IL15RA: variants seen among roughly 807,000 people sequenced by gnomAD.
IL15RA encodes the protein interleukin 15 receptor subunit alpha, also known as interleukin-15 receptor subunit alpha.
In IL15RA, 26 loss-of-function variants were observed where a neutral mutation model predicts 24.2. The ratio of observed to expected loss-of-function variants is 1.07; its 90% CI spans 0.79 to 1.49. The LOEUF (loss-of-function observed/expected upper bound fraction) is 1.49. Ranked by LOEUF, IL15RA falls within the 40% of genes most tolerant of loss-of-function variation. The pLI, the probability that IL15RA is intolerant of heterozygous loss-of-function variation, is 0.00. For synonymous variants in IL15RA, 166 were observed against 157.6 expected, an observed-to-expected ratio of 1.05 and a Z score of -0.40; for missense variants, 354 against 356.4, an observed-to-expected ratio of 0.99 and a Z score of 0.05.
chr10:5,974,253 G>A (rs1006625037), intron 1 of IL15RA, among the ~76,000 whole-genome samples: 2 of 152,104 alleles, frequency 1.3e-5, no homozygotes, highest in Non-Finnish European at 2.9e-5. Context: ...GCCCGCGTTG[G>A]CCTCCCAAAG....
At chr10:5,951,100 C>T (rs1021555842), downstream of IL15RA, among the ~76,000 whole-genome samples, 2 of 133,122 alleles carry the variant, frequency 1.5e-5, no homozygotes, top group Middle Eastern at 4.8e-3. Flanking sequence ...CGAGATTGTG[C>T]CACTGCACTC....
Position 5,966,294 on chromosome 10 carries a change from C to G in IL15RA, c.134G>C (p.Trp45Ser), listed in dbSNP as rs914011701. The part of the protein sequence containing the change: ...PPMSVEHADI[W>S]VKSYSLYSRE... ...GGAGTACAAGCTGTAGCTCTTGACC[C>G]AGATGTCTGCGTGTTCCACGGACAT... Residue 45 changes from tryptophan (W) to serine (S), a missense_variant, in exon 2 of 7, where the codon TGG (tryptophan) becomes TCG (serine). Trp to Ser is a radical substitution (Grantham distance 177). Transcript: ENST00000379977. This position sits in a 1 kb window ranked among gnomAD's most constrained non-coding sequence, Gnocchi z 6.4. 3.1e-6 allele frequency: 5 copies of G among 1,613,480 alleles called. No individual in the cohort carries two copies. The Admixed American group carries it at 5.0e-5, about 16-fold the overall frequency.
chr10:5,977,585 C>T, upstream of IL15RA: 1 of 1,256,530 alleles, frequency 8.0e-7, no homozygotes, highest in Non-Finnish European at 1.0e-6. Flanking sequence ...ACCTGCCGCC[C>T]CGCCAGTCGC....
At chr10:5,954,786 C>T (rs1432209419) in intron 6 of IL15RA, among the ~76,000 whole-genome samples, 1 of 152,066 alleles carries the variant, frequency 6.6e-6, no homozygotes, top group Non-Finnish European at 1.5e-5. Flanking sequence ...AAGAATATAA[C>T]TCCAAATTCA....
chr10:5,969,484 C>G (rs1000270987), intron 1 of IL15RA, among the ~76,000 whole-genome samples: 1 of 152,074 alleles, frequency 6.6e-6, no homozygotes, highest in African/African-American at 2.4e-5. Context: ...GTGATCTTTC[C>G]ACCTCAGCCT....
At chr10:5,977,302 G>GC in intron 1 of IL15RA, 103 bp downstream of exon 1, 1 of 479,398 alleles carries the variant, frequency 2.1e-6, no homozygotes, top group Non-Finnish European at 3.3e-6. Context: ...GGGCACCGAC[G>GC]CCCCCGCACG....
rs151253500 is a variant in IL15RA at position 5,955,641 on chromosome 10, T to C, written c.692+738A>G. Among the ~76,000 whole-genome samples, 5 of 152,308 alleles carry C rather than the reference T, an allele frequency of 3.3e-5. No individual in the cohort carries two copies. The highest frequency in any genetic ancestry group is 1.2e-4 in the African/African-American group (5 of 41,572). On this transcript the variant is annotated intron_variant, in intron 6 of 6. Transcript: ENST00000379977. This position sits in a 1 kb window ranked among gnomAD's most constrained non-coding sequence, Gnocchi z 5.3. ...GAGAAAAATTAAAAAAGTTAGCAAGTGGCAGAAATATTTTTGCCAGAAATG... is the reference window on the plus strand; with the variant it reads ...GAGAAAAATTAAAAAAGTTAGCAAGCGGCAGAAATATTTTTGCCAGAAATG...
rs1014428374 is a variant in IL15RA at position 5,964,403 on chromosome 10, G to T, written c.284-562C>A. ...GCTGGTCTCGAACTCCTGGTCTCAAGAAATCCCTCCCATCTCGGCCTCCCA... is the reference window on the plus strand; with the variant it reads ...GCTGGTCTCGAACTCCTGGTCTCAATAAATCCCTCCCATCTCGGCCTCCCA... On this transcript the variant is annotated intron_variant, in intron 2 of 6. Coordinates refer to ENST00000379977, the MANE Select transcript of IL15RA (RefSeq NM_002189.4). The surrounding 1 kb of genome is among the most constrained non-coding windows in gnomAD (Gnocchi z 5.6). Among the ~76,000 whole-genome samples the T allele has an allele frequency of 1.3e-5, 2 of 152,128 alleles. No individual in the cohort carries two copies. Among genetic ancestry groups the T allele is most frequent in the Admixed American group, 1.3e-4 (2 of 15,280 alleles).
chr10:5,966,458 C>T lies in IL15RA; in HGVS notation c.89-119G>A, dbSNP rs1010946524. On this transcript the variant is annotated intron_variant, in intron 1 of 6. Coordinates refer to ENST00000379977, the MANE Select transcript of IL15RA (RefSeq NM_002189.4). The surrounding 1 kb of genome is among the most constrained non-coding windows in gnomAD (Gnocchi z 6.4). ...ATCCTAGGGGTGCCTCAGGACAAGC[C>T]CCAGGTGCCAGGCACGTGGAGGATG... 2 of 771,872 alleles carry T rather than the reference C, an allele frequency of 2.6e-6. No homozygotes were observed. The highest frequency in any genetic ancestry group is 2.4e-5 in the Admixed American group (1 of 40,870). The allele number at this position is 771,872 out of a possible 1,614,324, so 47.8% of individuals were successfully genotyped here.
In IL15RA at chr10:5,958,745, T is replaced by C. The variant is rs1354551136; in HGVS notation, c.616+1009A>G. ...TGCTAAAATGTCCAAAGTCACTTGATGTTTTCCCAGATGACGTTTGATGCA... is the reference window on the plus strand; with the variant it reads ...TGCTAAAATGTCCAAAGTCACTTGACGTTTTCCCAGATGACGTTTGATGCA... On this transcript the variant is annotated intron_variant, in intron 5 of 6. Transcript: ENST00000379977. The surrounding 1 kb of genome is among the most constrained non-coding windows in gnomAD (Gnocchi z 4.3). Among the ~76,000 whole-genome samples, 1 of 152,208 alleles carries C rather than the reference T, an allele frequency of 6.6e-6. No homozygotes were observed. The highest frequency in any genetic ancestry group is 1.5e-5 in the Non-Finnish European group (1 of 68,036).
chr10:5,969,578 T>C (rs887623998), intron 1 of IL15RA, among the ~76,000 whole-genome samples: 1 of 152,174 alleles, frequency 6.6e-6, no homozygotes, highest in African/African-American at 2.4e-5. Flanking sequence ...GGTCTTGCTA[T>C]GTTGCTCAGG....
In IL15RA at chr10:5,965,536, G is replaced by A. The variant is rs1047515696; in HGVS notation, c.283+609C>T. ...GGTTCACGCCACCCTCCCACAGCCC[G>A]CAGTGTGGATATCAAGTCCGTTTTC... On this transcript the variant is annotated intron_variant, in intron 2 of 6. Coordinates refer to ENST00000379977, the MANE Select transcript of IL15RA (RefSeq NM_002189.4). This position sits in a 1 kb window ranked among gnomAD's most constrained non-coding sequence, Gnocchi z 5.8. 5.9e-5 allele frequency among the ~76,000 whole-genome samples: 9 copies of A among 152,212 alleles called. No homozygotes were observed. Among genetic ancestry groups the A allele is most frequent in the African/African-American group, 1.7e-4 (7 of 41,448 alleles).
At position 5,962,871 on chromosome 10, in the gene IL15RA, G is replaced by A. The variant is rs543280774; in HGVS notation, c.382+872C>T. Among the ~76,000 whole-genome samples the A allele has an allele frequency of 1.1e-4, 17 of 152,272 alleles. No individual in the cohort carries two copies. The highest frequency in any genetic ancestry group is 1.8e-4 in the Non-Finnish European group (12 of 68,022). ...ACAAAGGTATCATAGCATGCAGGGC[G>A]GAGGATCCCAAGAAAGCATCCAAGA... On this transcript the variant is annotated intron_variant, in intron 3 of 6. Coordinates refer to ENST00000379977, the MANE Select transcript of IL15RA (RefSeq NM_002189.4). The surrounding 1 kb of genome is among the most constrained non-coding windows in gnomAD (Gnocchi z 5.2).
At position 5,963,541 on chromosome 10, in the gene IL15RA, T is replaced by G. The variant is rs1367256324; in HGVS notation, c.382+202A>C. ...TAAACCACTATTAATTCTGCACATA[T>G]AACACCTGGATATCAAGCAACTTTG... On this transcript the variant is annotated intron_variant, in intron 3 of 6. Coordinates refer to ENST00000379977, the MANE Select transcript of IL15RA (RefSeq NM_002189.4). This position sits in a 1 kb window ranked among gnomAD's most constrained non-coding sequence, Gnocchi z 5.3. 1.3e-5 allele frequency among the ~76,000 whole-genome samples: 2 copies of G among 152,222 alleles called. No homozygotes were observed. Among genetic ancestry groups the G allele is most frequent in the East Asian group, 3.8e-4 (2 of 5,204 alleles).
intron 5 of IL15RA, among the ~76,000 whole-genome samples, chr10:5,957,666 A>C (rs1209313263): frequency 1.7e-4 from 25 of 145,212 alleles, no homozygotes; most frequent in Admixed American, 1.7e-3. Context: ...GAGTTTGCTC[A>C]CTGCAACCTC....
downstream of IL15RA, among the ~76,000 whole-genome samples, chr10:5,951,141 CAAAAAAAAAAAAA>C (rs60771366): frequency 5.6e-4 from 20 of 35,952 alleles, no homozygotes; most frequent in East Asian, 1.9e-3. Context: ...GACTCAGTCT[CAAAAAAAAAAAAA>C]AAAAAAAAAA....
At chr10:5,974,219 C>T (rs992177164) in intron 1 of IL15RA, among the ~76,000 whole-genome samples, 24 of 152,058 alleles carry the variant, frequency 1.6e-4, no homozygotes, top group African/African-American at 5.1e-4. Context: ...TGGCTGGTCT[C>T]GAACTCCTGG....
rs529720302 is a variant in IL15RA, at chr10:5,958,139, C to T, written c.616+1615G>A. ...CTAAATTAATGGTAGGAATTCCATA[C>T]AGTGGAATATTCTGTAGCTGTTAAA... On this transcript the variant is annotated intron_variant, in intron 5 of 6. Coordinates refer to ENST00000379977, the MANE Select transcript of IL15RA (RefSeq NM_002189.4). The surrounding 1 kb of genome is among the most constrained non-coding windows in gnomAD (Gnocchi z 4.3). 8.2e-5 allele frequency: 23 copies of T among 282,194 alleles called. No homozygotes were observed. The highest frequency in any genetic ancestry group is 6.2e-4 in the South Asian group (20 of 32,010). The allele number at this position is 282,194 out of a possible 1,614,324, so 17.5% of individuals were successfully genotyped here.
intron 1 of IL15RA, among the ~76,000 whole-genome samples, chr10:5,972,840 T>C (rs576744568): frequency 5.3e-5 from 8 of 152,196 alleles, no homozygotes; most frequent in Non-Finnish European, 1.2e-4. Context: ...TTTTCACCAC[T>C]TTTTTGCTAT....
Sources: allele counts gnomAD v4.1 joint callset (sites outside exome capture counted in the v4.1 genomes callset), GRCh38; gene constraint gnomAD v4.1.1; non-coding constraint Gnocchi (gnomAD v3.1); transcripts MANE v1.5; gene names NCBI Gene and HGNC (gene_info 2026-07-23, HGNC 2026-07-21).